The following USP25 variants were observed in gnomAD, a reference collection of about 807,000 sequenced individuals.
USP25 encodes ubiquitin carboxyl-terminal hydrolase 25.
In USP25, 85 loss-of-function variants were observed where a neutral mutation model predicts 158.5. The ratio of observed to expected loss-of-function variants is 0.54; its 90% confidence interval spans 0.45 to 0.64. The LOEUF is 0.64. USP25 is among the 30% of genes least tolerant of loss of function. The pLI is 0.00. For missense variants in USP25, 1,242 were observed against 1,327.3 expected (o/e 0.94, Z 1.00); for synonymous variants, 464 against 460.4 (o/e 1.01, Z -0.10).
intron 20 of USP25, among the ~76,000 whole-genome samples, chr21:15,852,236 A>G (rs73185438): frequency 0.015 from 2,206 of 151,846 alleles, 18 homozygotes; most frequent in Non-Finnish European, 0.022. Context: ...TCTCCTTACT[A>G]TCATCATACT....
At position 15,766,000 on chromosome 21, in the gene USP25, A is replaced by G; in HGVS notation, c.127A>G (p.Ser43Gly). ...ACTCCTTTCTTGATATTTGAAGGATAGTAATGGAAACTTGGAATTAGCAGT... is the reference window on the plus strand; with the variant it reads ...ACTCCTTTCTTGATATTTGAAGGATGGTAATGGAAACTTGGAATTAGCAGT... ...TQILQQALKD[S>G]NGNLELAVAF... Residue 43 changes from serine to glycine, a missense_variant, in exon 3 of 26, where the codon AGT (serine) becomes GGT (glycine). Transcript: ENST00000400183. The G allele has an allele frequency of 6.2e-7, 1 of 1,601,320 alleles. No individual in the cohort carries two copies.
At chr21:15,866,641 A>T (rs2039671305) in intron 22 of USP25, among the ~76,000 whole-genome samples, 1 of 152,188 alleles carries the variant, frequency 6.6e-6, no homozygotes, top group South Asian at 2.1e-4. Context: ...AAAACAGAAT[A>T]ACAAATGCAT....
chr21:15,810,812 A>G lies in USP25; in HGVS notation c.858-325A>G, dbSNP rs1197452585. ...GTGCACTACACAGAGTATGAGATTG[A>G]AATGTGTAATGATGATAGGAAGAGC... is the stretch of plus-strand genomic sequence containing the variant. On this transcript the variant is annotated intron_variant, in intron 8 of 25. Transcript: ENST00000400183. Among the ~76,000 whole-genome samples, 4 of 152,208 alleles carry G rather than the reference A, an allele frequency of 2.6e-5. No homozygotes were observed. In the East Asian group the frequency reaches 7.7e-4, roughly 29 times the overall value.
chr21:15,879,247 C>G lies in USP25; in HGVS notation c.*772C>G, dbSNP rs2040208031. 1 of 152,126 alleles carries G rather than the reference C, an allele frequency of 6.6e-6. No homozygotes were observed. The allele number at this position is 152,126 out of a possible 1,614,324, so 9.4% of individuals were successfully genotyped here. On this transcript the variant is annotated 3_prime_UTR_variant, in exon 26 of 26. Coordinates refer to ENST00000400183, the MANE Select transcript of USP25 (RefSeq NM_001283041.3). ...TTTTAAATGTATTTACAATATACAG[C>G]AAGGTGATTATTTCAAGAGAATCCC...
chr21:15,812,761 A>G (rs1394651198), intron 9 of USP25, among the ~76,000 whole-genome samples: 1 of 152,192 alleles, frequency 6.6e-6, no homozygotes, highest in Admixed American at 6.5e-5. Flanking sequence ...ATACGTTTTC[A>G]CTTGAACTAT....
intron 5 of USP25, among the ~76,000 whole-genome samples, chr21:15,796,081 A>C (rs2035849237): frequency 6.6e-6 from 1 of 151,558 alleles, no homozygotes; most frequent in Non-Finnish European, 1.5e-5. Context: ...TTCAAAATTC[A>C]CATATTAGCT....
chr21:15,792,750 A>G (rs1477490050), intron 5 of USP25, among the ~76,000 whole-genome samples: 2 of 151,496 alleles, frequency 1.3e-5, no homozygotes, highest in African/African-American at 2.4e-5. Flanking sequence ...CTGGTGCATA[A>G]TATCATATAA....
chr21:15,754,161 A>G (rs1461395196), intron 1 of USP25, among the ~76,000 whole-genome samples: 1 of 152,136 alleles, frequency 6.6e-6, no homozygotes, highest in African/African-American at 2.4e-5. Context: ...TATGCCAAAG[A>G]AGTATATTTT....
chr21:15,733,255 A>G (rs967045758), intron 1 of USP25, among the ~76,000 whole-genome samples: 2 of 150,792 alleles, frequency 1.3e-5, no homozygotes, highest in African/African-American at 4.9e-5. Flanking sequence ...AATGAACAGG[A>G]TACTATTTAA....
chr21:15,847,761 G>A lies in USP25; in HGVS notation c.2436G>A (p.Gly812=), dbSNP rs994638156. ...VGKFMIESKE[G]GYDDEIMMTP... Reference sequence around the variant, plus strand: ...AATTTATGATTGAATCAAAGGAGGGGGGGTATGATGACGAGGTACCTTTTA... The same window carrying A: ...AATTTATGATTGAATCAAAGGAGGGAGGGTATGATGACGAGGTACCTTTTA... The change falls in exon 19 of 26, where the codon GGG becomes GGA. Residue 812 remains glycine, a synonymous_variant. Coordinates refer to ENST00000400183, the MANE Select transcript of USP25 (RefSeq NM_001283041.3). 3 of 1,548,844 alleles carry A rather than the reference G, an allele frequency of 1.9e-6. No homozygotes were observed. Among genetic ancestry groups the A allele is most frequent in the Non-Finnish European group, 1.7e-6 (2 of 1,145,496 alleles).
chr21:15,752,468 C>G (rs1361993690), intron 1 of USP25, among the ~76,000 whole-genome samples: 1 of 152,130 alleles, frequency 6.6e-6, no homozygotes, highest in African/African-American at 2.4e-5. Context: ...CCCATCTTGG[C>G]CTCCCAAAGT....
chr21:15,744,008 A>T (rs2032304573), intron 1 of USP25: 1 of 155,506 alleles, frequency 6.4e-6, no homozygotes, highest in Non-Finnish European at 1.5e-5. Flanking sequence ...GAACTTACAG[A>T]ACTGACAGTG....
In USP25 at chr21:15,793,354, ACTT is replaced by A. The variant is rs1297274302; in HGVS notation, c.555+1694_555+1696del. Among the ~76,000 whole-genome samples the A allele has an allele frequency of 7.3e-5, 11 of 151,592 alleles. No individual in the cohort carries two copies. The East Asian group carries it at 1.9e-3, about 27-fold the overall frequency. On this transcript the variant is annotated intron_variant, in intron 5 of 25. Coordinates refer to ENST00000400183, the MANE Select transcript of USP25 (RefSeq NM_001283041.3). ...TGACCTTTTGTTTTAGTAGGATAAA[ACTT>A]CTTTCAGCAGCTCAGTTTAATCTTG... is the stretch of plus-strand genomic sequence containing the variant.
At position 15,866,253 on chromosome 21, in the gene USP25, G is replaced by GT. The variant is rs548694304; in HGVS notation, c.2727-4dup. ...CATACACACACGCTCATATGTATGT[G>GT]TTTTTTTTTAAGGTGTCACAACATA... On this transcript the variant is annotated splice_polypyrimidine_tract_variant and intron_variant, in intron 21 of 25. Transcript: ENST00000400183. 8.8e-3 allele frequency: 12,266 copies of GT among 1,391,364 alleles called. 1 individual carries two copies. The highest frequency in any genetic ancestry group is 0.017 in the South Asian group (1,270 of 76,284). 86.2% of individuals were successfully genotyped at this position (1,391,364 alleles called of 1,614,324 possible). A position where few individuals can be genotyped will look rare whatever the true frequency, so the allele number is the denominator to read the frequency against.
rs1438066903 is a variant in USP25 at position 15,843,211 on chromosome 21, TAC to T, written c.2337+672_2337+673del. Among the ~76,000 whole-genome samples the T allele has an allele frequency of 2.6e-5, 4 of 152,214 alleles. No homozygotes were observed. The highest frequency in any genetic ancestry group is 5.9e-5 in the Non-Finnish European group (4 of 68,032). On this transcript the variant is annotated intron_variant, in intron 18 of 25. Transcript: ENST00000400183. The surrounding 1 kb of genome is among the most constrained non-coding windows in gnomAD (Gnocchi z 4.0). ...GAGAGAAGCTATTTCAAGAATTTGT[TAC>T]TACTAAACCTTTTAGTTCCTGTAGT...
At chr21:15,736,013 CAT>C (rs142151083) in intron 1 of USP25, among the ~76,000 whole-genome samples, 17 of 138,508 alleles carry the variant, frequency 1.2e-4, no homozygotes, top group Admixed American at 6.3e-4. Flanking sequence ...TATGTATGTA[CAT>C]ATATATATAT....
chr21:15,735,150 T>A (rs73355473), intron 1 of USP25, among the ~76,000 whole-genome samples: 3,118 of 152,294 alleles, frequency 0.02, 100 homozygotes, highest in African/African-American at 0.071. Flanking sequence ...AAAACCCCAT[T>A]TGGTCATGTT....
intron 17 of USP25, among the ~76,000 whole-genome samples, chr21:15,840,715 A>G (rs138723044): frequency 2.4e-3 from 362 of 152,336 alleles, no homozygotes; most frequent in African/African-American, 8.3e-3. Flanking sequence ...TGTTGATCAG[A>G]TAACATTACT....
In USP25 at chr21:15,825,586, A is replaced by G. The variant is rs370821068; in HGVS notation, c.1304+525A>G. Among the ~76,000 whole-genome samples, 50 of 152,258 alleles carry G rather than the reference A, an allele frequency of 3.3e-4. 1 individual carries two copies. Among genetic ancestry groups the G allele is most frequent in the African/African-American group, 1.2e-3 (48 of 41,564 alleles). On this transcript the variant is annotated intron_variant, in intron 12 of 25. Transcript: ENST00000400183. ...TATGAGTATGGCCTCACTGTTGTCT[A>G]TTGATTTGGATCATTTCTAAAAGAC...
Sources: allele counts gnomAD v4.1 joint callset (sites outside exome capture counted in the v4.1 genomes callset), GRCh38; gene constraint gnomAD v4.1.1; non-coding constraint Gnocchi (gnomAD v3.1); transcripts MANE v1.5; gene names NCBI Gene and HGNC (gene_info 2026-07-23, HGNC 2026-07-21).